Variants in GCNT2 observed in about 807,000 individuals in gnomAD.
GCNT2 encodes the protein N-acetyllactosaminide beta-1,6-N-acetylglucosaminyl-transferase.
Under a neutral mutation model 34.2 loss-of-function variants are expected in GCNT2, and 34 were observed. That is an observed-to-expected ratio of 1.00 (90% CI 0.76 to 1.32). GCNT2 has a LOEUF of 1.32. Ranked by LOEUF, GCNT2 falls within the 40% of genes most tolerant of loss-of-function variation. The pLI is 0.00. For missense variants in GCNT2, 584 were observed against 489.4 expected, an observed-to-expected ratio of 1.19 and a Z score of -1.82; for synonymous variants, 212 against 188.0, an observed-to-expected ratio of 1.13 and a Z score of -1.04.
At chr6:10,589,005 GTGTGGTGTGTATA>G (rs1764494592) in intron 3 of GCNT2, among the ~76,000 whole-genome samples, 4 of 146,924 alleles carry the variant, frequency 2.7e-5, no homozygotes, top group South Asian at 2.2e-4. Flanking sequence ...GTGGGTGTGT[GTGTGGTGTGTATA>G]TGTGGTGTAT....
At chr6:10,558,519 T>C (rs1032493729) in intron 3 of GCNT2, among the ~76,000 whole-genome samples, 1 of 152,252 alleles carries the variant, frequency 6.6e-6, no homozygotes, top group Non-Finnish European at 1.5e-5. Context: ...CCAGACCGAT[T>C]GTTTTTTAAA....
intron 3 of GCNT2, among the ~76,000 whole-genome samples, chr6:10,579,468 A>G (rs192856730): frequency 3.3e-5 from 5 of 152,278 alleles, no homozygotes; most frequent in African/African-American, 9.6e-5. Flanking sequence ...AAGTCCTTTC[A>G]TAGACATTAA....
chr6:10,576,373 A>T (rs1222855875), intron 3 of GCNT2, among the ~76,000 whole-genome samples: 2 of 152,222 alleles, frequency 1.3e-5, no homozygotes, highest in African/African-American at 4.8e-5. Context: ...AATACCTACT[A>T]CACAGCCCTG....
intron 3 of GCNT2, among the ~76,000 whole-genome samples, chr6:10,550,509 G>C (rs1258505740): frequency 6.6e-6 from 1 of 151,920 alleles, no homozygotes; most frequent in Non-Finnish European, 1.5e-5. Context: ...TATTATTATT[G>C]AGACAGGGTC....
At chr6:10,592,787 G>A (rs538816466) in intron 3 of GCNT2, among the ~76,000 whole-genome samples, 10 of 152,238 alleles carry the variant, frequency 6.6e-5, no homozygotes, top group Middle Eastern at 3.4e-3. Context: ...CTGTCGCCAG[G>A]ATGGAGTGCA....
intron 3 of GCNT2, among the ~76,000 whole-genome samples, chr6:10,590,122 G>A (rs1764567155): frequency 6.6e-6 from 1 of 152,188 alleles, no homozygotes; most frequent in Non-Finnish European, 1.5e-5. Context: ...GCTTGGCCGG[G>A]CAAGGTGGCT....
At chr6:10,556,892 G>A (rs141492136) in intron 3 of GCNT2, 4 of 1,614,064 alleles carry the variant, frequency 2.5e-6, no homozygotes, top group South Asian at 2.2e-5. Context: ...GATGGAACCC[G>A]TTGTCTATGG....
chr6:10,526,896 G>A (rs1472674396), intron 1 of GCNT2, among the ~76,000 whole-genome samples: 1 of 152,170 alleles, frequency 6.6e-6, no homozygotes. Flanking sequence ...TAGGAGGATA[G>A]CTTGAGGAGT....
At chr6:10,609,252 G>A (rs1268346974) in intron 3 of GCNT2, among the ~76,000 whole-genome samples, 2 of 152,226 alleles carry the variant, frequency 1.3e-5, no homozygotes, top group African/African-American at 4.8e-5. Flanking sequence ...CAAGAGCACA[G>A]CAGTGGCATC....
chr6:10,523,192 C>G (rs1761004084), intron 1 of GCNT2, among the ~76,000 whole-genome samples: 1 of 151,602 alleles, frequency 6.6e-6, no homozygotes, highest in South Asian at 2.1e-4. Context: ...GAGGCCGAGT[C>G]AGGCGGATCA....
intron 3 of GCNT2, among the ~76,000 whole-genome samples, chr6:10,569,564 T>C (rs7774164): frequency 0.016 from 2,374 of 152,276 alleles, 59 homozygotes; most frequent in African/African-American, 0.048. Flanking sequence ...TCTCTTCCAC[T>C]CAGTTTTTCC....
At chr6:10,557,294 A>C (rs1762764247) in intron 3 of GCNT2, 1 of 1,613,740 alleles carries the variant, frequency 6.2e-7, no homozygotes, top group Non-Finnish European at 8.5e-7. Flanking sequence ...GTCCAAGGAC[A>C]CTTTCAGTCC....
intron 3 of GCNT2, chr6:10,573,347 TTTA>T: frequency 5.1e-6 from 3 of 588,146 alleles, no homozygotes; most frequent in Non-Finnish European, 6.0e-6. Flanking sequence ...ATTTGTGGGT[TTTA>T]TTGTTGTTGT....
chr6:10,585,072 TGTGTGTGCGC>T (rs1561818565), intron 3 of GCNT2, among the ~76,000 whole-genome samples: 86 of 100,264 alleles, frequency 8.6e-4, no homozygotes, highest in African/African-American at 4.2e-3. Flanking sequence ...TGTGTGTGTG[TGTGTGTGCGC>T]GCTATATTCT....
intron 3 of GCNT2, among the ~76,000 whole-genome samples, chr6:10,617,750 C>CATTTTTTTT (rs1765849185): frequency 9.8e-6 from 1 of 101,740 alleles, no homozygotes; most frequent in African/African-American, 5.0e-5. Flanking sequence ...TGCATTTCTT[C>CATTTTTTTT]TTTTTTTTTT....
Position 10,544,806 on chromosome 6 carries a change from G to A in GCNT2, c.925+14970G>A, listed in dbSNP as rs535511947. 1.1e-3 allele frequency among the ~76,000 whole-genome samples: 170 copies of A among 151,516 alleles called. No individual in the cohort carries two copies. In the East Asian group the frequency reaches 0.023, roughly 20 times the overall value. ...TAAAAATACAAAAAATTAGCTGGGCGTGGTGGCAGGCACCTGTAATCTGAG... is the reference window on the plus strand; with the variant it reads ...TAAAAATACAAAAAATTAGCTGGGCATGGTGGCAGGCACCTGTAATCTGAG... On this transcript the variant is annotated intron_variant, in intron 3 of 4. Coordinates refer to ENST00000495262, the MANE Select transcript of GCNT2 (RefSeq NM_145649.5).
intron 3 of GCNT2, among the ~76,000 whole-genome samples, chr6:10,569,814 CAT>C (rs1763458768): frequency 6.6e-6 from 1 of 151,118 alleles, no homozygotes; most frequent in Admixed American, 6.6e-5. Flanking sequence ...CCTCTGAGCT[CAT>C]ATGGATTTCT....
chr6:10,543,880 A>G (rs1762147002), intron 3 of GCNT2, among the ~76,000 whole-genome samples: 1 of 152,222 alleles, frequency 6.6e-6, no homozygotes, highest in Non-Finnish European at 1.5e-5. Context: ...AGATGATTAC[A>G]TTTGAATTTA....
At chr6:10,600,748 A>C (rs986730687) in intron 3 of GCNT2, among the ~76,000 whole-genome samples, 1 of 152,100 alleles carries the variant, frequency 6.6e-6, no homozygotes, top group Non-Finnish European at 1.5e-5. Flanking sequence ...TTAGATCCTC[A>C]GGCAGTTTTA....
Sources: allele counts gnomAD v4.1 joint callset (sites outside exome capture counted in the v4.1 genomes callset), GRCh38; gene constraint gnomAD v4.1.1; transcripts MANE v1.5; gene names NCBI Gene and HGNC (gene_info 2026-07-23, HGNC 2026-07-21).